MAN2B2: variants seen among roughly 807,000 people sequenced by gnomAD.
MAN2B2 encodes the protein epididymis-specific alpha-mannosidase.
MAN2B2 carries 106 observed loss-of-function variants against 117.1 expected under a neutral mutation model. The ratio of observed to expected loss-of-function variants is 0.90; its 90% CI spans 0.77 to 1.06. The LOEUF is 1.06. Among genes scored for constraint, MAN2B2 ranks in the 50% least tolerant of loss-of-function variants. The pLI, the probability that MAN2B2 is intolerant of heterozygous loss-of-function variation, is 0.00. For missense variants in MAN2B2, 1,326 were observed against 1,381.4 expected (o/e 0.96, Z 0.64); for synonymous variants, 544 against 595.1 (o/e 0.91, Z 1.25).
chr4:6,585,187 C>T (rs764377116), intron 3 of MAN2B2, among the ~76,000 whole-genome samples: 17 of 152,208 alleles, frequency 1.1e-4, no homozygotes, highest in Non-Finnish European at 2.2e-4. Context: ...TCACCTCCCA[C>T]AGTCATCCCC....
intron 11 of MAN2B2, among the ~76,000 whole-genome samples, chr4:6,606,977 G>A (rs551617892): frequency 3.0e-4 from 46 of 152,288 alleles, no homozygotes; most frequent in African/African-American, 1.0e-3. Context: ...TTTAAAGTGG[G>A]CAATTCAGTG....
intron 16 of MAN2B2, among the ~76,000 whole-genome samples, chr4:6,616,363 T>C (rs16839023): frequency 0.035 from 5,276 of 152,162 alleles, 149 homozygotes; most frequent in African/African-American, 0.073. Context: ...ACATACATCA[T>C]GTGGCAAATG....
intron 10 of MAN2B2, among the ~76,000 whole-genome samples, chr4:6,604,541 C>T (rs777393217): frequency 1.3e-5 from 2 of 151,554 alleles, no homozygotes; most frequent in African/African-American, 2.4e-5. Context: ...TGGAGAAAGC[C>T]GGACAGCGGG....
At position 6,597,178 on chromosome 4, in the gene MAN2B2, G is replaced by A. The variant is rs1727131986; in HGVS notation, c.1123G>A (p.Ala375Thr). ...CTCACTGAAGGGGCTGGCCCGGCGA[G>A]CCAGCGCCTTGTTGTATGCCGGGGA... ...RSSLKGLARR[A>T]SALLYAGESM... Residue 375 changes from alanine (A) to threonine (T), a missense_variant, in exon 8 of 19, where the codon GCC becomes ACC. By Grantham distance (58) the Ala-to-Thr change is moderately conservative (BLOSUM62 0). Transcript: ENST00000285599. 6.2e-7 allele frequency: 1 copy of A among 1,612,812 alleles called. No individual in the cohort carries two copies. Among genetic ancestry groups the A allele is most frequent in the South Asian group, 1.1e-5 (1 of 91,028 alleles).
At chr4:6,587,262 A>C (rs1247172755) in intron 4 of MAN2B2, 94 bp downstream of exon 4, 2 of 1,448,772 alleles carry the variant, frequency 1.4e-6, no homozygotes, top group African/African-American at 1.4e-5. Flanking sequence ...CTCTATGCCG[A>C]AGTGTTCGGA....
Position 6,611,291 on chromosome 4 carries a change from C to T in MAN2B2, c.2563+13C>T, listed in dbSNP as rs201510324. 4.4e-5 allele frequency: 70 copies of T among 1,584,654 alleles called. No individual in the cohort carries two copies. Among genetic ancestry groups the T allele is most frequent in the Non-Finnish European group, 5.8e-5 (67 of 1,164,814 alleles). On this transcript the variant is annotated intron_variant, in intron 15 of 18. Transcript: ENST00000285599. Reference sequence around the variant, plus strand: ...GGAGACCTCGCTGGTAAAGGGGCACCCTTTCAGAGTAACATCATCACTGCC... The same window carrying T: ...GGAGACCTCGCTGGTAAAGGGGCACTCTTTCAGAGTAACATCATCACTGCC...
intron 16 of MAN2B2, among the ~76,000 whole-genome samples, chr4:6,616,626 A>T (rs1488296018): frequency 6.6e-6 from 1 of 152,202 alleles, no homozygotes; most frequent in African/African-American, 2.4e-5. Flanking sequence ...CTCACTTTGC[A>T]TTGGCCACAG....
Position 6,614,221 on chromosome 4 carries a change from C to G in MAN2B2, c.2567C>G (p.Thr856Ser). The G allele has an allele frequency of 1.2e-6, 2 of 1,614,002 alleles. No homozygotes were observed. Among genetic ancestry groups the G allele is most frequent in the South Asian group, 2.2e-5 (2 of 91,074 alleles). ...ACTCTGTCCATCTGCCTTGCAGGGACTGCGCCGAAGCTCCCAGGACCCCAG... is the reference window on the plus strand; with the variant it reads ...ACTCTGTCCATCTGCCTTGCAGGGAGTGCGCCGAAGCTCCCAGGACCCCAG... The part of the protein sequence containing the change: ...PVVLFGDLAG[T>S]APKLPGPQQQ... The change falls in exon 16 of 19, where the codon ACT becomes AGT. Residue 856 changes from threonine to serine, a missense_variant. Physicochemically the swap from Thr to Ser is moderately conservative, Grantham distance 58. Coordinates refer to ENST00000285599, the MANE Select transcript of MAN2B2 (RefSeq NM_015274.3).
chr4:6,578,312 C>T (rs1726147735), intron 2 of MAN2B2, 81 bp from the exon 3 acceptor site: 9 of 1,000,050 alleles, frequency 9.0e-6, no homozygotes, highest in South Asian at 2.8e-5. Context: ...GCGTGTGTGG[C>T]GCTGTAGGTG....
intron 16 of MAN2B2, among the ~76,000 whole-genome samples, chr4:6,616,132 A>C (rs1711862283): frequency 6.6e-6 from 1 of 152,046 alleles, no homozygotes; most frequent in African/African-American, 2.4e-5. Context: ...CTGATGCCTC[A>C]ATTCTAATCC....
chr4:6,592,255 G>C (rs1726887559), intron 5 of MAN2B2, among the ~76,000 whole-genome samples: 2 of 152,190 alleles, frequency 1.3e-5, no homozygotes, highest in Admixed American at 1.3e-4. Context: ...ACTGTTTCTA[G>C]CTCCTTTCCA....
At chr4:6,621,104 A>G (rs932510956) in intron 18 of MAN2B2, 84 bp from the exon 19 acceptor site, 4 of 951,082 alleles carry the variant, frequency 4.2e-6, no homozygotes, top group Non-Finnish European at 6.7e-6. Context: ...GCCACAGCAG[A>G]CTGTAGACAG....
chr4:6,618,523 C>G (rs1349288273), intron 17 of MAN2B2: 2 of 152,238 alleles, frequency 1.3e-5, no homozygotes, highest in South Asian at 2.1e-4. Context: ...TGCTGAGAGG[C>G]CCTGGCACTA....
At chr4:6,611,357 GTGCCCTC>G in intron 15 of MAN2B2, 79 bp downstream of exon 15, 1 of 1,422,722 alleles carries the variant, frequency 7.0e-7, no homozygotes, top group Admixed American at 2.5e-5. Flanking sequence ...GGAGGGGCCT[GTGCCCTC>G]ATGACTCTGG....
At chr4:6,616,352 C>T (rs1469732911) in intron 16 of MAN2B2, among the ~76,000 whole-genome samples, 4 of 152,042 alleles carry the variant, frequency 2.6e-5, no homozygotes, top group Non-Finnish European at 4.4e-5. Context: ...GACAGGAGAT[C>T]ACATACATCA....
intron 10 of MAN2B2, among the ~76,000 whole-genome samples, chr4:6,603,501 G>T (rs992784982): frequency 2.0e-5 from 3 of 152,090 alleles, no homozygotes; most frequent in Non-Finnish European, 4.4e-5. Context: ...ACAGGGAGAG[G>T]CGAAGGGAGG....
At chr4:6,577,020 CT>C (rs925390024) in intron 2 of MAN2B2, among the ~76,000 whole-genome samples, 18 of 152,332 alleles carry the variant, frequency 1.2e-4, no homozygotes, top group Admixed American at 4.6e-4. Context: ...GCAGTGCCCC[CT>C]GACACCAGGC....
At chr4:6,620,256 G>A (rs1242054177) in intron 18 of MAN2B2, 4 of 522,658 alleles carry the variant, frequency 7.7e-6, no homozygotes, top group East Asian at 3.4e-5. Context: ...GCTCCACACA[G>A]GCGTGTGTGT....
rs1712191862 is a variant in MAN2B2 at position 6,621,855 on chromosome 4, C to A, written c.*570C>A. The A allele has an allele frequency of 1.3e-5, 2 of 152,544 alleles. No homozygotes were observed. The highest frequency in any genetic ancestry group is 1.5e-5 in the Non-Finnish European group (1 of 68,292). 9.4% of individuals were successfully genotyped at this position (152,544 alleles called of 1,614,324 possible). On this transcript the variant is annotated 3_prime_UTR_variant, in exon 19 of 19. Transcript: ENST00000285599. ...CACCGCCTGCCGAGCAGAGAAGGCA[C>A]AGCAGCCGTCAGAGTCCATGAGAGG...
Sources: allele counts gnomAD v4.1 joint callset (sites outside exome capture counted in the v4.1 genomes callset), GRCh38; gene constraint gnomAD v4.1.1; transcripts MANE v1.5; gene names NCBI Gene and HGNC (gene_info 2026-07-23, HGNC 2026-07-21).